CRADD: variants seen among roughly 807,000 people sequenced by gnomAD.
The protein encoded by CRADD is CARD and death domain containing adaptor protein.
In CRADD, 9 loss-of-function variants were observed where a neutral mutation model predicts 15.5. That is an observed-to-expected ratio of 0.58 (90% CI 0.35 to 1.01). The LOEUF is 1.01. Ranked by LOEUF, CRADD falls within the 50% of genes least tolerant of loss-of-function variation. The pLI is 0.02. For missense variants in CRADD, 227 were observed against 250.3 expected (o/e 0.91, Z 0.63); for synonymous variants, 118 against 107.6 (o/e 1.10, Z -0.60).
intron 2 of CRADD, among the ~76,000 whole-genome samples, chr12:93,798,696 C>T (rs1957446190): frequency 6.6e-6 from 1 of 152,180 alleles, no homozygotes; most frequent in African/African-American, 2.4e-5. Context: ...ACTGCCAAGC[C>T]ACAGCTGTTA....
At chr12:93,783,834 C>T (rs1480062235) in intron 2 of CRADD, among the ~76,000 whole-genome samples, 1 of 152,182 alleles carries the variant, frequency 6.6e-6, no homozygotes, top group Admixed American at 6.5e-5. Context: ...TTCTGCACAT[C>T]CCTTGTGCCA....
chr12:93,766,657 A>C (rs1480603527), intron 2 of CRADD, among the ~76,000 whole-genome samples: 2 of 152,224 alleles, frequency 1.3e-5, no homozygotes, highest in Admixed American at 6.5e-5. Context: ...CTTCAAGGTG[A>C]AACTGGTCCT....
chr12:93,810,686 C>T (rs1289935878), intron 2 of CRADD, among the ~76,000 whole-genome samples: 1 of 148,760 alleles, frequency 6.7e-6, no homozygotes, highest in Non-Finnish European at 1.5e-5. Context: ...CCTTGTGAAA[C>T]GGGCTCCATG....
intron 2 of CRADD, among the ~76,000 whole-genome samples, chr12:93,768,490 G>T (rs1282984600): frequency 2.1e-5 from 3 of 143,612 alleles, no homozygotes; most frequent in Non-Finnish European, 4.6e-5. Flanking sequence ...GCAGCAGGTG[G>T]TTTTTTTTTT....
At chr12:93,744,500 C>T (rs1249515346) in intron 2 of CRADD, among the ~76,000 whole-genome samples, 2 of 152,180 alleles carry the variant, frequency 1.3e-5, no homozygotes, top group African/African-American at 4.8e-5. Flanking sequence ...CGCTAGTCAA[C>T]TTATTAGTAA....
rs1295904336 is a variant in CRADD at position 93,763,876 on chromosome 12, G to A, written c.298+84804G>A. On this transcript the variant is annotated intron_variant, in intron 2 of 2. Coordinates refer to ENST00000332896, the MANE Select transcript of CRADD (RefSeq NM_003805.5). ...ATGATCCACTGGCTCTGAAACCACAGAAATGTTCATCAGTGTCTGCTGCCG... is the reference window on the plus strand; with the variant it reads ...ATGATCCACTGGCTCTGAAACCACAAAAATGTTCATCAGTGTCTGCTGCCG... Among the ~76,000 whole-genome samples the A allele has an allele frequency of 3.9e-5, 6 of 152,196 alleles. No individual in the cohort carries two copies. The South Asian group carries it at 1.0e-3, about 26-fold the overall frequency.
At chr12:93,781,559 C>T (rs1218912092) in intron 2 of CRADD, among the ~76,000 whole-genome samples, 4 of 152,192 alleles carry the variant, frequency 2.6e-5, no homozygotes, top group Admixed American at 6.5e-5. Flanking sequence ...CTTGAACCCA[C>T]GGATCAGTCT....
intron 2 of CRADD, among the ~76,000 whole-genome samples, chr12:93,839,855 A>C (rs1300535949): frequency 6.6e-6 from 1 of 152,166 alleles, no homozygotes; most frequent in Non-Finnish European, 1.5e-5. Context: ...TTGGTCTTAG[A>C]CATCAGCTTG....
rs1251026881 is a variant in CRADD, at chr12:93,823,634, T to C, written c.299-26336T>C. ...CTCTTCAGTTCAGGCATTTATTTAC[T>C]TGAAGTGTGAATCCATTGCTGTTCT... On this transcript the variant is annotated intron_variant, in intron 2 of 2. Coordinates refer to ENST00000332896, the MANE Select transcript of CRADD (RefSeq NM_003805.5). 4.6e-5 allele frequency among the ~76,000 whole-genome samples: 7 copies of C among 152,368 alleles called. No homozygotes were observed. The East Asian group carries it at 1.3e-3, about 29-fold the overall frequency.
At chr12:93,807,709 C>T (rs1289073394) in intron 2 of CRADD, among the ~76,000 whole-genome samples, 1 of 152,076 alleles carries the variant, frequency 6.6e-6, no homozygotes, top group Non-Finnish European at 1.5e-5. Flanking sequence ...AATGGCACCT[C>T]CAGCTTGGCT....
At chr12:93,718,999 A>G (rs143474596) in intron 2 of CRADD, among the ~76,000 whole-genome samples, 4 of 152,260 alleles carry the variant, frequency 2.6e-5, no homozygotes, top group African/African-American at 7.2e-5. Flanking sequence ...GGCTCTAGCA[A>G]TCTTCTTGCC....
chr12:93,699,335 A>G (rs1955786138), intron 2 of CRADD, among the ~76,000 whole-genome samples: 1 of 152,230 alleles, frequency 6.6e-6, no homozygotes, highest in Non-Finnish European at 1.5e-5. Context: ...ACATAAGAGA[A>G]AAAGAATTAG....
intron 2 of CRADD, among the ~76,000 whole-genome samples, chr12:93,882,322 G>A (rs1975320): frequency 0.058 from 8,768 of 150,842 alleles, 344 homozygotes; most frequent in East Asian, 0.16. Flanking sequence ...TCAGGAGGCC[G>A]AGGCAGGAGA....
chr12:93,694,438 C>G (rs916705157), intron 2 of CRADD, among the ~76,000 whole-genome samples: 14 of 152,094 alleles, frequency 9.2e-5, no homozygotes, highest in African/African-American at 3.4e-4. Context: ...TCTCACCACT[C>G]TTACTCAACA....
intron 2 of CRADD, among the ~76,000 whole-genome samples, chr12:93,857,424 A>C (rs1214271181): frequency 6.6e-6 from 1 of 152,238 alleles, no homozygotes; most frequent in African/African-American, 2.4e-5. Flanking sequence ...ATTCAAGGAC[A>C]ACAAATGCCT....
chr12:93,863,685 A>G lies in CRADD; in HGVS notation c.299-30365A>G, dbSNP rs573592814. Among the ~76,000 whole-genome samples, 34 of 148,810 alleles carry G rather than the reference A, an allele frequency of 2.3e-4. No individual in the cohort carries two copies. The East Asian group carries it at 4.2e-3, about 18-fold the overall frequency. ...ATTGGCGGGGGTTAGGGTTAGCATT[A>G]CTGCCATGTGATGGGCAGGGGCTGG... On this transcript the variant is annotated intron_variant, in intron 2 of 2. Coordinates refer to the CRADD transcript ENST00000548483.
At chr12:93,677,593 G>C (rs968173077) in intron 1 of CRADD, 121 bp downstream of exon 1, 1 of 152,322 alleles carries the variant, frequency 6.6e-6, no homozygotes, top group Admixed American at 6.5e-5. Context: ...GGCCAAGGCT[G>C]GGTGGCTGCG....
chr12:93,863,597 TGTGTGTGTGTGTGTGTGTG>T (rs1280023954), intron 2 of CRADD, among the ~76,000 whole-genome samples: 7 of 8,820 alleles, frequency 7.9e-4, no homozygotes, highest in Admixed American at 6.9e-3. Context: ...TGGAGGCATT[TGTGTGTGTGTGTGTGTGTG>T]TGTGTGTGTG....
chr12:93,810,133 C>T (rs1957604707), intron 2 of CRADD, among the ~76,000 whole-genome samples: 1 of 152,120 alleles, frequency 6.6e-6, no homozygotes. Flanking sequence ...CCAGACTGTA[C>T]CAAATTGTAC....
Sources: allele counts gnomAD v4.1 joint callset (sites outside exome capture counted in the v4.1 genomes callset), GRCh38; gene constraint gnomAD v4.1.1; transcripts MANE v1.5; gene names NCBI Gene and HGNC (gene_info 2026-07-23, HGNC 2026-07-21).